Variants in ATP2B2 observed in about 807,000 individuals in gnomAD.
ATP2B2 encodes ATPase plasma membrane Ca2+ transporting 2.
In ATP2B2, 15 loss-of-function variants were observed where a neutral mutation model predicts 120.0. The ratio of observed to expected loss-of-function variants is 0.12; its 90% CI spans 0.08 to 0.19. The LOEUF is 0.19. Among genes scored for constraint, ATP2B2 ranks in the 10% least tolerant of loss-of-function variants. The probability of loss-of-function intolerance (pLI) is 1.00; values close to 1 mark genes in which losing one functional copy is unlikely to be tolerated. For missense variants in ATP2B2, 1,045 were observed against 1,719.8 expected, an observed-to-expected ratio of 0.61 and a Z score of 6.94; for synonymous variants, 694 against 700.3, an observed-to-expected ratio of 0.99 and a Z score of 0.14.
chr3:10,582,444 C>T (rs774120886), intron 2 of ATP2B2, among the ~76,000 whole-genome samples: 2 of 152,182 alleles, frequency 1.3e-5, no homozygotes, highest in Non-Finnish European at 2.9e-5. Flanking sequence ...GATGGACTCT[C>T]GGACTGACGT....
chr3:10,350,735 G>C (rs550567424), intron 14 of ATP2B2, among the ~76,000 whole-genome samples, 158 bp from the exon 15 acceptor site: 4 of 152,346 alleles, frequency 2.6e-5, no homozygotes, highest in African/African-American at 9.6e-5. Context: ...ATGGGCCACA[G>C]CCTCCCTTCC....
chr3:10,485,574 T>C (rs2065612917), intron 1 of ATP2B2, among the ~76,000 whole-genome samples: 1 of 152,212 alleles, frequency 6.6e-6, no homozygotes, highest in Admixed American at 6.5e-5. Flanking sequence ...AGCAGGCCCC[T>C]GTGAATCAGA....
At chr3:10,706,933 A>G (rs1211077146) in intron 1 of ATP2B2, among the ~76,000 whole-genome samples, 1 of 152,042 alleles carries the variant, frequency 6.6e-6, no homozygotes, top group East Asian at 1.9e-4. Context: ...CTGCTGTGTG[A>G]CCTTGAGGCC....
At chr3:10,658,569 A>G (rs1455260489) in intron 1 of ATP2B2, among the ~76,000 whole-genome samples, 6 of 152,230 alleles carry the variant, frequency 3.9e-5, no homozygotes, top group Non-Finnish European at 7.3e-5. Flanking sequence ...AAAAGAACAA[A>G]GCCTCCAAGA....
At chr3:10,442,251 C>A (rs1015320541) in intron 2 of ATP2B2, among the ~76,000 whole-genome samples, 3 of 152,118 alleles carry the variant, frequency 2.0e-5, no homozygotes, top group Non-Finnish European at 4.4e-5. Context: ...ATCTCTTCTA[C>A]CACCTCTCTG....
intron 2 of ATP2B2, among the ~76,000 whole-genome samples, chr3:10,551,957 T>C (rs1390207948): frequency 1.3e-5 from 2 of 152,222 alleles, no homozygotes; most frequent in Non-Finnish European, 2.9e-5. Context: ...TTTTGAACAA[T>C]GCCAAGGTTG....
chr3:10,680,052 T>C (rs1257858640), intron 1 of ATP2B2, among the ~76,000 whole-genome samples: 1 of 152,176 alleles, frequency 6.6e-6, no homozygotes, highest in Non-Finnish European at 1.5e-5. Context: ...ATCTGGCACA[T>C]AGTAGGTGCT....
At chr3:10,446,713 T>C (rs2063849372) in intron 2 of ATP2B2, among the ~76,000 whole-genome samples, 1 of 152,090 alleles carries the variant, frequency 6.6e-6, no homozygotes, top group Admixed American at 6.6e-5. Context: ...CTGCAGGAAA[T>C]CCTATGATGG....
At chr3:10,664,050 C>T (rs2070860117) in intron 1 of ATP2B2, among the ~76,000 whole-genome samples, 1 of 152,114 alleles carries the variant, frequency 6.6e-6, no homozygotes, top group Non-Finnish European at 1.5e-5. Context: ...ATGTCCACCC[C>T]AGAATCTCAG....
chr3:10,597,087 G>T (rs1444698583), intron 2 of ATP2B2, among the ~76,000 whole-genome samples: 1 of 85,928 alleles, frequency 1.2e-5, no homozygotes, highest in Non-Finnish European at 2.5e-5. Context: ...ACACACACAG[G>T]CACACAGGCA....
intron 1 of ATP2B2, among the ~76,000 whole-genome samples, chr3:10,494,118 C>G (rs145035023): frequency 2.0e-5 from 3 of 152,136 alleles, no homozygotes; most frequent in Admixed American, 1.3e-4. Context: ...ACCAGAGTGA[C>G]AGGCCTGGTG....
At chr3:10,559,879 A>G (rs1273409166) in intron 2 of ATP2B2, among the ~76,000 whole-genome samples, 2 of 152,194 alleles carry the variant, frequency 1.3e-5, no homozygotes. Flanking sequence ...AAGATGCAGA[A>G]GGCAGTTCAA....
intron 1 of ATP2B2, among the ~76,000 whole-genome samples, chr3:10,491,412 G>A (rs1000019117): frequency 6.6e-6 from 1 of 152,102 alleles, no homozygotes; most frequent in Non-Finnish European, 1.5e-5. Context: ...TTTTAGTAGA[G>A]ACGGGGTTTC....
intron 2 of ATP2B2, among the ~76,000 whole-genome samples, chr3:10,415,834 A>G (rs994999062): frequency 1.3e-5 from 2 of 152,226 alleles, no homozygotes; most frequent in Admixed American, 6.5e-5. Flanking sequence ...ATGTCCAGAC[A>G]GATGCTATGT....
At chr3:10,485,266 G>A (rs1360751437) in intron 1 of ATP2B2, among the ~76,000 whole-genome samples, 2 of 152,360 alleles carry the variant, frequency 1.3e-5, no homozygotes, top group African/African-American at 4.8e-5. Context: ...GTCCTGTCGG[G>A]AAGGTTTATT....
chr3:10,645,037 T>C (rs1429208559), intron 1 of ATP2B2, among the ~76,000 whole-genome samples: 1 of 152,184 alleles, frequency 6.6e-6, no homozygotes, highest in Non-Finnish European at 1.5e-5. Flanking sequence ...TTAAGGCGTA[T>C]GTTGAATGCA....
At position 10,324,284 on chromosome 3, in the gene ATP2B2, G is replaced by A. The variant is rs1574906163; in HGVS notation, c.*4530C>T. 3 of 152,122 alleles carry A rather than the reference G, an allele frequency of 2.0e-5. No homozygotes were observed. Among genetic ancestry groups the A allele is most frequent in the East Asian group, 1.9e-4 (1 of 5,180 alleles). The allele number at this position is 152,122 out of a possible 1,614,324, so 9.4% of individuals were successfully genotyped here. A position where few individuals can be genotyped will look rare whatever the true frequency, so the allele number is the denominator to read the frequency against. ...GAGTTAGCAAAGTGTGGTGACCCCCGAGAGGAAAGGTCCAGGAGGGAGAGC... is the reference window on the plus strand; with the variant it reads ...GAGTTAGCAAAGTGTGGTGACCCCCAAGAGGAAAGGTCCAGGAGGGAGAGC... On this transcript the variant is annotated 3_prime_UTR_variant, in exon 23 of 23. Transcript: ENST00000360273.
chr3:10,396,386 T>C (rs2062037361), intron 5 of ATP2B2, among the ~76,000 whole-genome samples: 1 of 152,242 alleles, frequency 6.6e-6, no homozygotes, highest in South Asian at 2.1e-4. Context: ...CAAGCATGGT[T>C]GGACCAACTG....
chr3:10,543,070 C>G (rs938291721), intron 2 of ATP2B2, among the ~76,000 whole-genome samples: 1 of 152,124 alleles, frequency 6.6e-6, no homozygotes, highest in Non-Finnish European at 1.5e-5. Flanking sequence ...TTCTATTGTT[C>G]TATATTTCAG....
Sources: allele counts gnomAD v4.1 joint callset (sites outside exome capture counted in the v4.1 genomes callset), GRCh38; gene constraint gnomAD v4.1.1; transcripts MANE v1.5; gene names NCBI Gene and HGNC (gene_info 2026-07-23, HGNC 2026-07-21).